The following FAM13C variants were observed in gnomAD, a reference collection of about 807,000 sequenced individuals.
FAM13C encodes protein FAM13C.
A neutral mutation model predicts 73.2 loss-of-function variants in FAM13C; 37 were observed. The ratio of observed to expected loss-of-function variants is 0.51; its 90% CI spans 0.39 to 0.67. The LOEUF (loss-of-function observed/expected upper bound fraction) is 0.67, where lower values mean the gene tolerates loss of function less well. Ranked by LOEUF, FAM13C falls within the 30% of genes least tolerant of loss-of-function variation. The probability of loss-of-function intolerance (pLI) is 0.00; values close to 1 mark genes in which losing one functional copy is unlikely to be tolerated. For synonymous variants in FAM13C, 246 were observed against 260.9 expected, an observed-to-expected ratio of 0.94 and a Z score of 0.55; for missense variants, 589 against 715.6, an observed-to-expected ratio of 0.82 and a Z score of 2.02.
At chr10:59,274,786 T>G (rs2133603083) in intron 6 of FAM13C, among the ~76,000 whole-genome samples, 1 of 152,310 alleles carries the variant, frequency 6.6e-6, no homozygotes, top group Non-Finnish European at 1.5e-5. Context: ...TGAGAACATC[T>G]TTTACTCTCC....
intron 5 of FAM13C, among the ~76,000 whole-genome samples, chr10:59,299,524 T>C (rs1468599329): frequency 6.7e-6 from 1 of 148,674 alleles, no homozygotes; most frequent in African/African-American, 2.5e-5. Context: ...TTTTTTTTTT[T>C]CAGGGAAGGA....
At chr10:59,251,737 G>A in intron 12 of FAM13C, 61 bp from the exon 13 acceptor site, 4 of 1,274,554 alleles carry the variant, frequency 3.1e-6, no homozygotes, top group Non-Finnish European at 3.3e-6. Context: ...ATCATCATGA[G>A]CAGATTTATC....
chr10:59,260,067 G>A (rs1353365672), intron 10 of FAM13C, among the ~76,000 whole-genome samples: 16 of 151,222 alleles, frequency 1.1e-4, no homozygotes, highest in African/African-American at 3.9e-4. Flanking sequence ...TCACCATCCC[G>A]GATTTTTTTT....
intron 1 of FAM13C, among the ~76,000 whole-genome samples, chr10:59,358,442 C>A (rs1430297093): frequency 6.6e-6 from 1 of 152,226 alleles, no homozygotes. Flanking sequence ...CAATAGTCCA[C>A]TCTGTCCATC....
chr10:59,250,391 C>T (rs537285914), intron 13 of FAM13C, among the ~76,000 whole-genome samples: 2 of 152,292 alleles, frequency 1.3e-5, no homozygotes, highest in South Asian at 4.2e-4. Context: ...GATTACTTAA[C>T]ATCACCAAAA....
At chr10:59,251,253 AAAAAAATCAACAG>A (rs1841346177) in intron 13 of FAM13C, 1 of 381,842 alleles carries the variant, frequency 2.6e-6, no homozygotes, top group African/African-American at 2.1e-5. Context: ...TATGTGGGCT[AAAAAAATCAACAG>A]ATTTTTTTAA....
chr10:59,330,914 T>TGGG (rs1455698255), intron 3 of FAM13C, among the ~76,000 whole-genome samples: 4 of 152,152 alleles, frequency 2.6e-5, no homozygotes. Flanking sequence ...ACCCTGACCT[T>TGGG]AGAACCAGCC....
intron 6 of FAM13C, among the ~76,000 whole-genome samples, chr10:59,278,129 C>T (rs1195072925): frequency 6.6e-6 from 1 of 152,164 alleles, no homozygotes; most frequent in Non-Finnish European, 1.5e-5. Flanking sequence ...AACCATCAGA[C>T]CTCATGTGAC....
chr10:59,305,904 T>C (rs1244119073), intron 4 of FAM13C, among the ~76,000 whole-genome samples: 1 of 152,198 alleles, frequency 6.6e-6, no homozygotes, highest in African/African-American at 2.4e-5. Flanking sequence ...GTGATTTCAG[T>C]GCATCAGAAA....
intron 6 of FAM13C, chr10:59,270,373 A>G: frequency 2.5e-6 from 1 of 398,492 alleles, no homozygotes. Flanking sequence ...CCAAACTACA[A>G]AACAATCTTC....
rs1033211697 is a variant in FAM13C at position 59,314,921 on chromosome 10, G to T, written c.443+9067C>A. 5.9e-5 allele frequency among the ~76,000 whole-genome samples: 9 copies of T among 152,116 alleles called. No individual in the cohort carries two copies. The South Asian group carries it at 1.7e-3, about 28-fold the overall frequency. ...ACCTATAAAATCATCTGTAGTATTTGGTTTCTGATCCCAAGTGACCTAAAC... is the reference window on the plus strand; with the variant it reads ...ACCTATAAAATCATCTGTAGTATTTTGTTTCTGATCCCAAGTGACCTAAAC... On this transcript the variant is annotated intron_variant, in intron 4 of 13. Transcript: ENST00000618804.
intron 1 of FAM13C, among the ~76,000 whole-genome samples, chr10:59,359,502 C>T (rs1422058210): frequency 6.6e-6 from 1 of 152,174 alleles, no homozygotes; most frequent in Non-Finnish European, 1.5e-5. Context: ...TCCCTGAAGG[C>T]AAAGTTGCAG....
intron 4 of FAM13C, among the ~76,000 whole-genome samples, chr10:59,316,140 GGC>G (rs1849501766): frequency 6.6e-6 from 1 of 151,936 alleles, no homozygotes; most frequent in Non-Finnish European, 1.5e-5. Context: ...TCACCATGTT[GGC>G]CAGGCTGGTC....
intron 3 of FAM13C, among the ~76,000 whole-genome samples, chr10:59,334,017 C>A (rs1030309715): frequency 1.3e-5 from 2 of 152,184 alleles, no homozygotes; most frequent in African/African-American, 4.8e-5. Flanking sequence ...ATTGTGGAAG[C>A]ATCAGAGCTC....
intron 4 of FAM13C, among the ~76,000 whole-genome samples, chr10:59,305,168 TGACTGACAACAGAAGA>T (rs1325125584): frequency 2.0e-5 from 3 of 152,228 alleles, no homozygotes; most frequent in African/African-American, 4.8e-5. Context: ...TGCCACTACA[TGACTGACAACAGAAGA>T]AAATGAATTT....
intron 5 of FAM13C, among the ~76,000 whole-genome samples, chr10:59,287,836 C>T (rs549665132): frequency 6.6e-6 from 1 of 152,300 alleles, no homozygotes; most frequent in East Asian, 1.9e-4. Context: ...CCAAAGGCTG[C>T]CGGATAGAGC....
At chr10:59,315,486 C>T (rs1447124439) in intron 4 of FAM13C, among the ~76,000 whole-genome samples, 3 of 151,832 alleles carry the variant, frequency 2.0e-5, no homozygotes, top group East Asian at 1.9e-4. Flanking sequence ...GATGGTATGT[C>T]CCCTAGGGGC....
At chr10:59,289,503 C>T (rs758856881) in intron 5 of FAM13C, among the ~76,000 whole-genome samples, 3 of 152,180 alleles carry the variant, frequency 2.0e-5, no homozygotes, top group Non-Finnish European at 4.4e-5. Context: ...CATCCAGCTC[C>T]ACATGGAAAG....
At position 59,300,349 on chromosome 10, in the gene FAM13C, C is replaced by T. The variant is rs11006432; in HGVS notation, c.507+2452G>A. 7.3e-4 allele frequency among the ~76,000 whole-genome samples: 111 copies of T among 152,254 alleles called. 1 individual carries two copies. In the East Asian group the frequency reaches 0.019, roughly 26 times the overall value. ...CTTTTGGACCATGATTCTCATGAGG[C>T]TCAAGAAACTCTTTTTTGGTTTTAG... On this transcript the variant is annotated intron_variant, in intron 5 of 13. Coordinates refer to ENST00000618804, the MANE Select transcript of FAM13C (RefSeq NM_198215.4).
Sources: allele counts gnomAD v4.1 joint callset (sites outside exome capture counted in the v4.1 genomes callset), GRCh38; gene constraint gnomAD v4.1.1; transcripts MANE v1.5; gene names NCBI Gene and HGNC (gene_info 2026-07-23, HGNC 2026-07-21).